JADE1: variants seen among roughly 807,000 people sequenced by gnomAD.
The protein encoded by JADE1 is protein Jade-1.
In JADE1, 14 loss-of-function variants were observed where a neutral mutation model predicts 81.8. That is an observed-to-expected ratio of 0.17 (90% confidence interval 0.11 to 0.27). The LOEUF (loss-of-function observed/expected upper bound fraction) is 0.27, where lower values mean the gene tolerates loss of function less well. Among genes scored for constraint, JADE1 ranks in the 10% least tolerant of loss-of-function variants. The pLI is 1.00. For synonymous variants in JADE1, 353 were observed against 391.9 expected, an observed-to-expected ratio of 0.90 and a Z score of 1.17; for missense variants, 690 against 1,047.9, an observed-to-expected ratio of 0.66 and a Z score of 4.71.
intron 9 of JADE1, chr4:128,863,319 C>A: frequency 1.2e-5 from 12 of 985,490 alleles, no homozygotes; most frequent in Non-Finnish European, 1.4e-5. Flanking sequence ...TGCTGGCTAC[C>A]GATTAAATTC....
chr4:128,872,835 G>A lies in JADE1; in HGVS notation c.*573G>A, dbSNP rs1196978495. On this transcript the variant is annotated 3_prime_UTR_variant, in exon 11 of 11. Coordinates refer to ENST00000226319, the MANE Select transcript of JADE1 (RefSeq NM_199320.4). ...GTGTAAATATAGCAGTCAGGGAAGA[G>A]AATTTTAAAAAAGGTCATTATTGAA... The A allele has an allele frequency of 4.5e-6, 2 of 448,918 alleles. No individual in the cohort carries two copies. Among genetic ancestry groups the A allele is most frequent in the Admixed American group, 2.4e-5 (1 of 41,890 alleles). The allele number at this position is 448,918 out of a possible 1,614,324, so 27.8% of individuals were successfully genotyped here.
chr4:128,816,819 AT>A (rs1483315709), intron 1 of JADE1, among the ~76,000 whole-genome samples: 1 of 151,946 alleles, frequency 6.6e-6, no homozygotes, highest in Non-Finnish European at 1.5e-5. Context: ...AAGAAAGTTA[AT>A]TTTTAAAACC....
chr4:128,810,854 T>C (rs1425720073), intron 1 of JADE1, among the ~76,000 whole-genome samples: 3 of 151,962 alleles, frequency 2.0e-5, no homozygotes, highest in African/African-American at 7.3e-5. Context: ...CCTTAATCGA[T>C]GAAATGGGGT....
chr4:128,840,807 G>C (rs1340572045), intron 2 of JADE1, among the ~76,000 whole-genome samples: 1 of 152,236 alleles, frequency 6.6e-6, no homozygotes, highest in African/African-American at 2.4e-5. Flanking sequence ...GGCACACTTA[G>C]TATTTTTTTA....
intron 1 of JADE1, among the ~76,000 whole-genome samples, chr4:128,815,084 C>T (rs1222346633): frequency 1.4e-5 from 2 of 143,148 alleles, no homozygotes; most frequent in African/African-American, 5.2e-5. Context: ...GAGGCTTGCT[C>T]TGTCACCCAG....
At chr4:128,841,080 C>T (rs941573654) in intron 2 of JADE1, among the ~76,000 whole-genome samples, 7 of 152,250 alleles carry the variant, frequency 4.6e-5, no homozygotes, top group African/African-American at 1.4e-4. Context: ...CTTTGATTCT[C>T]TGTTCCTGTC....
intron 8 of JADE1, among the ~76,000 whole-genome samples, chr4:128,857,688 C>G (rs564231571): frequency 6.6e-6 from 1 of 152,136 alleles, no homozygotes; most frequent in Non-Finnish European, 1.5e-5. Flanking sequence ...CAGAAGTTCC[C>G]CTGAGCTGTG....
At chr4:128,842,629 A>T (rs1471834073) in intron 2 of JADE1, among the ~76,000 whole-genome samples, 1 of 152,176 alleles carries the variant, frequency 6.6e-6, no homozygotes, top group African/African-American at 2.4e-5. Flanking sequence ...ATTTAGCAGC[A>T]TGAGACTTTG....
chr4:128,863,522 T>G, intron 9 of JADE1: 1 of 985,262 alleles, frequency 1.0e-6, no homozygotes, highest in African/African-American at 1.7e-5. Flanking sequence ...GCATTAGAGA[T>G]CCTTTTAATA....
At chr4:128,866,047 T>G (rs1731756120) in intron 9 of JADE1, among the ~76,000 whole-genome samples, 1 of 152,328 alleles carries the variant, frequency 6.6e-6, no homozygotes, top group East Asian at 1.9e-4. Flanking sequence ...TGGCCCCTCG[T>G]TCTTGAGCTT....
chr4:128,850,953 TG>T (rs1374403368), intron 5 of JADE1, among the ~76,000 whole-genome samples: 1 of 152,228 alleles, frequency 6.6e-6, no homozygotes, highest in African/African-American at 2.4e-5. Context: ...TTTTTTGAGA[TG>T]AAGTCTCGCT....
chr4:128,874,397 G>T lies in JADE1; in HGVS notation c.*2135G>T, dbSNP rs1560790757. ...GCACTATTAGGAATGCTAGTTTTGT[G>T]CAAAAATAATGCCTTACCTGTTTTT... On this transcript the variant is annotated 3_prime_UTR_variant, in exon 11 of 11. Transcript: ENST00000226319. The T allele has an allele frequency of 2.0e-5, 3 of 152,284 alleles. No homozygotes were observed. Among genetic ancestry groups the T allele is most frequent in the South Asian group, 4.2e-4 (2 of 4,818 alleles). 9.4% of individuals were successfully genotyped at this position (152,284 alleles called of 1,614,324 possible).
At chr4:128,853,828 T>A (rs1202887738) in intron 6 of JADE1, among the ~76,000 whole-genome samples, 1 of 152,186 alleles carries the variant, frequency 6.6e-6, no homozygotes, top group African/African-American at 2.4e-5. Flanking sequence ...TTTCCCTCTG[T>A]CTGAAGACCT....
intron 1 of JADE1, among the ~76,000 whole-genome samples, chr4:128,815,740 C>T (rs1726973108): frequency 6.6e-6 from 1 of 152,174 alleles, no homozygotes; most frequent in South Asian, 2.1e-4. Context: ...GTTTGTGAAG[C>T]TCTTCCCTGT....
At chr4:128,844,378 AAAC>A (rs1321426942) in intron 3 of JADE1, among the ~76,000 whole-genome samples, 6 of 152,164 alleles carry the variant, frequency 3.9e-5, no homozygotes, top group African/African-American at 1.4e-4. Context: ...CCCTGAGTCC[AAAC>A]TATATGTATG....
chr4:128,863,064 G>C, intron 9 of JADE1: 1 of 985,562 alleles, frequency 1.0e-6, no homozygotes, highest in Non-Finnish European at 1.2e-6. Context: ...TGAGATTGCT[G>C]AATGTCGTGG....
intron 1 of JADE1, among the ~76,000 whole-genome samples, chr4:128,828,108 G>A (rs1192501093): frequency 6.6e-6 from 1 of 152,212 alleles, no homozygotes; most frequent in African/African-American, 2.4e-5. Context: ...TAGGCCAGAA[G>A]CTCTGTGAGG....
At chr4:128,838,376 G>A (rs1272511844) in intron 2 of JADE1, among the ~76,000 whole-genome samples, 1 of 152,170 alleles carries the variant, frequency 6.6e-6, no homozygotes, top group East Asian at 1.9e-4. Flanking sequence ...ATTTTACCTT[G>A]TGAATGGCAG....
chr4:128,835,599 G>A (rs1187434495), intron 2 of JADE1, among the ~76,000 whole-genome samples: 1 of 152,164 alleles, frequency 6.6e-6, no homozygotes, highest in Non-Finnish European at 1.5e-5. Flanking sequence ...AGCCGGGCCT[G>A]TGCATTTGGA....
Sources: gnomAD v4.1 joint callset for allele counts (sites outside exome capture counted in the v4.1 genomes callset) on GRCh38, gnomAD v4.1.1 for gene constraint, MANE v1.5 for transcripts, NCBI Gene and HGNC (gene_info 2026-07-23, HGNC 2026-07-21) for gene names.